CAPZA1: variants seen among roughly 807,000 people sequenced by gnomAD.
CAPZA1 encodes the protein F-actin-capping protein subunit alpha-1.
Under a neutral mutation model 40.8 loss-of-function variants are expected in CAPZA1, and 10 were observed. That is an observed-to-expected ratio of 0.25 (90% CI 0.15 to 0.42). The LOEUF (loss-of-function observed/expected upper bound fraction) is 0.42, where lower values mean the gene tolerates loss of function less well. Ranked by LOEUF, CAPZA1 falls within the 10% of genes least tolerant of loss-of-function variation. The pLI is 1.00. For missense variants in CAPZA1, 277 were observed against 353.8 expected (o/e 0.78, Z 1.74); for synonymous variants, 98 against 115.0 (o/e 0.85, Z 0.95).
rs563260962 is a variant in CAPZA1, at chr1:112,651,642, T to G, written c.156-1956T>G. 7.2e-5 allele frequency among the ~76,000 whole-genome samples: 11 copies of G among 152,294 alleles called. No homozygotes were observed. In the South Asian group the frequency reaches 2.3e-3, roughly 32 times the overall value. ...AAAGGTAAGGACATTTTGGTGTTGGTGTTGGTAATCTATAGTCTTAGGACA... is the reference window on the plus strand; with the variant it reads ...AAAGGTAAGGACATTTTGGTGTTGGGGTTGGTAATCTATAGTCTTAGGACA... On this transcript the variant is annotated intron_variant, in intron 3 of 9. Transcript: ENST00000263168.
chr1:112,644,053 C>T (rs1370065087), intron 1 of CAPZA1, among the ~76,000 whole-genome samples: 1 of 151,838 alleles, frequency 6.6e-6, no homozygotes, highest in East Asian at 1.9e-4. Context: ...CCATGTTGGC[C>T]AGGTTGGTCT....
chr1:112,624,356 C>T (rs1670753740), intron 1 of CAPZA1, among the ~76,000 whole-genome samples: 1 of 151,948 alleles, frequency 6.6e-6, no homozygotes, highest in African/African-American at 2.4e-5. Flanking sequence ...CGCTCGTAAT[C>T]CCAGTACTTT....
At chr1:112,663,038 C>T (rs1032045638) in intron 7 of CAPZA1, among the ~76,000 whole-genome samples, 1 of 152,112 alleles carries the variant, frequency 6.6e-6, no homozygotes, top group Non-Finnish European at 1.5e-5. Context: ...GACCTTGGCT[C>T]ATTGCAACGT....
chr1:112,662,544 G>T lies in CAPZA1; in HGVS notation c.585+2765G>T, dbSNP rs899342118. 4.0e-5 allele frequency among the ~76,000 whole-genome samples: 6 copies of T among 151,300 alleles called. No individual in the cohort carries two copies. The East Asian group carries it at 1.2e-3, about 29-fold the overall frequency. On this transcript the variant is annotated intron_variant, in intron 7 of 9. Coordinates refer to ENST00000263168, the MANE Select transcript of CAPZA1 (RefSeq NM_006135.3). ...CTCCTGAGTAGCTGGTACCACAGGC[G>T]CCCGCCACCATACCTGGCTAATTTT...
intron 1 of CAPZA1, among the ~76,000 whole-genome samples, chr1:112,640,928 C>T (rs955007291): frequency 6.6e-6 from 1 of 152,182 alleles, no homozygotes; most frequent in Non-Finnish European, 1.5e-5. Flanking sequence ...TTACCCCCAA[C>T]CCTGTGCTCT....
chr1:112,630,211 A>T (rs979808596), intron 1 of CAPZA1, among the ~76,000 whole-genome samples: 4 of 151,334 alleles, frequency 2.6e-5, no homozygotes, highest in East Asian at 1.9e-4. Context: ...ATTTTTAAGT[A>T]TTTTTTTTGT....
Position 112,649,425 on chromosome 1 carries a change from G to T in CAPZA1, c.111G>T (p.Arg37=). 1 of 1,612,424 alleles carries T rather than the reference G, an allele frequency of 6.2e-7. No homozygotes were observed. Among genetic ancestry groups the T allele is most frequent in the Non-Finnish European group, 8.5e-7 (1 of 1,178,874 alleles). ...AACATTTTTCCTCCTCAGACGTTCG[G>T]CTACTACTTAATAATGACAATCTCC... The part of the protein sequence containing the change: ...GEFNEVFNDV[R]LLLNNDNLLR... The change falls in exon 3 of 10, where the codon CGG becomes CGT. Residue 37 remains arginine, a synonymous_variant. Coordinates refer to ENST00000263168, the MANE Select transcript of CAPZA1 (RefSeq NM_006135.3).
intron 2 of CAPZA1, 124 bp downstream of exon 2, chr1:112,647,397 G>T (rs956497376): frequency 5.0e-5 from 25 of 498,956 alleles, no homozygotes. Flanking sequence ...CAAAAAAATT[G>T]AAATAACTTG....
chr1:112,639,980 G>T (rs376743092), intron 1 of CAPZA1, among the ~76,000 whole-genome samples: 1 of 90,336 alleles, frequency 1.1e-5, no homozygotes, highest in African/African-American at 3.9e-5. Context: ...TCAGCCCCCC[G>T]CCCGGCCAGC....
intron 1 of CAPZA1, among the ~76,000 whole-genome samples, chr1:112,645,170 C>G (rs1011337477): frequency 5.9e-5 from 9 of 152,302 alleles, no homozygotes; most frequent in African/African-American, 2.2e-4. Flanking sequence ...CTCTTTCCCT[C>G]CCCTGTAGTC....
chr1:112,634,318 A>G (rs974349528), intron 1 of CAPZA1, among the ~76,000 whole-genome samples: 7 of 152,214 alleles, frequency 4.6e-5, no homozygotes, highest in African/African-American at 1.4e-4. Flanking sequence ...TTCTTTAAGT[A>G]TACCCTATTT....
chr1:112,656,440 A>ATTTTTTTTTTTTT (rs56343358), intron 5 of CAPZA1, among the ~76,000 whole-genome samples: 2 of 45,768 alleles, frequency 4.4e-5, no homozygotes, highest in Admixed American at 3.8e-4. Context: ...ATTATGTTTG[A>ATTTTTTTTTTTTT]TTTTTTTTTT....
chr1:112,647,134 A>T, intron 1 of CAPZA1, 76 bp from the exon 2 acceptor site: 1 of 698,724 alleles, frequency 1.4e-6, no homozygotes, highest in Non-Finnish European at 2.3e-6. Flanking sequence ...ATGAAAATTT[A>T]TAATTTGTTA....
In CAPZA1 at chr1:112,660,468, C is replaced by T. The variant is rs151147099; in HGVS notation, c.585+689C>T. ...GCTAATTTTCTATTTTTAGTACAGG[C>T]GGGGTTTCTCCATGTTGGTTAGGCT... On this transcript the variant is annotated intron_variant, in intron 7 of 9. Coordinates refer to ENST00000263168, the MANE Select transcript of CAPZA1 (RefSeq NM_006135.3). Among the ~76,000 whole-genome samples the T allele has an allele frequency of 7.7e-3, 1,165 of 151,912 alleles. 7 individuals carry two copies. Among genetic ancestry groups the T allele is most frequent in the Non-Finnish European group, 0.012 (783 of 67,944 alleles).
intron 4 of CAPZA1, among the ~76,000 whole-genome samples, chr1:112,653,884 A>C (rs1223937005): frequency 6.6e-6 from 1 of 152,212 alleles, no homozygotes; most frequent in African/African-American, 2.4e-5. Flanking sequence ...TGAAAATGGA[A>C]GTATTTAAGT....
At chr1:112,661,866 T>C (rs769746910) in intron 7 of CAPZA1, among the ~76,000 whole-genome samples, 10 of 152,192 alleles carry the variant, frequency 6.6e-5, no homozygotes, top group Non-Finnish European at 8.8e-5. Context: ...TTGAGCACAC[T>C]TTTGGGGAAA....
intron 1 of CAPZA1, 27 bp downstream of exon 1, chr1:112,619,910 C>G (rs765290786): frequency 6.3e-7 from 1 of 1,586,826 alleles, no homozygotes; most frequent in East Asian, 2.3e-5. Context: ...TCTCTCTTAC[C>G]TCCTCCCCCG....
chr1:112,646,990 A>G (rs1228853317), intron 1 of CAPZA1, among the ~76,000 whole-genome samples: 1 of 152,216 alleles, frequency 6.6e-6, no homozygotes, highest in Non-Finnish European at 1.5e-5. Context: ...ATTCAGATTT[A>G]TCAAAACACG....
intron 5 of CAPZA1, among the ~76,000 whole-genome samples, chr1:112,656,403 T>A (rs1360889141): frequency 6.7e-6 from 1 of 149,768 alleles, no homozygotes; most frequent in Non-Finnish European, 1.5e-5. Flanking sequence ...TCTACATAAA[T>A]GTTAGATGAA....
Sources: gnomAD v4.1 joint callset for allele counts (sites outside exome capture counted in the v4.1 genomes callset) on GRCh38, gnomAD v4.1.1 for gene constraint, MANE v1.5 for transcripts, NCBI Gene and HGNC (gene_info 2026-07-23, HGNC 2026-07-21) for gene names.